MAPKAP1: variants seen among roughly 807,000 people sequenced by gnomAD.
The protein encoded by MAPKAP1 is target of rapamycin complex 2 subunit MAPKAP1.
Under a neutral mutation model 65.7 loss-of-function variants are expected in MAPKAP1, and 20 were observed. That is an observed-to-expected ratio of 0.30 (90% CI 0.21 to 0.44). MAPKAP1 has a LOEUF of 0.44. Among genes scored for constraint, MAPKAP1 ranks in the 20% least tolerant of loss-of-function variants. The pLI is 1.00. For synonymous variants in MAPKAP1, 222 were observed against 244.3 expected (o/e 0.91, Z 0.85); for missense variants, 423 against 648.0 (o/e 0.65, Z 3.77).
intron 1 of MAPKAP1, among the ~76,000 whole-genome samples, chr9:125,689,306 G>A (rs1026757975): frequency 6.6e-6 from 1 of 151,646 alleles, no homozygotes; most frequent in Non-Finnish European, 1.5e-5. Context: ...GCGTGGTGGC[G>A]GGCGCCTGTA....
intron 5 of MAPKAP1, among the ~76,000 whole-genome samples, chr9:125,560,500 C>A (rs953914411): frequency 6.6e-6 from 1 of 152,192 alleles, no homozygotes; most frequent in Non-Finnish European, 1.5e-5. Flanking sequence ...GAGAGGATCA[C>A]TTGAGCCCGT....
chr9:125,593,185 T>C (rs572395636), intron 4 of MAPKAP1, among the ~76,000 whole-genome samples: 1 of 151,978 alleles, frequency 6.6e-6, no homozygotes, highest in East Asian at 1.9e-4. Flanking sequence ...GTGCCTATAG[T>C]CCCAGCTACC....
chr9:125,490,313 G>A (rs529107217), intron 8 of MAPKAP1, among the ~76,000 whole-genome samples: 122 of 152,312 alleles, frequency 8.0e-4, no homozygotes, highest in African/African-American at 2.8e-3. Flanking sequence ...GCCGAGGTGG[G>A]TGGATCACCT....
intron 5 of MAPKAP1, among the ~76,000 whole-genome samples, 196 bp from the exon 6 acceptor site, chr9:125,560,005 G>T (rs944205260): frequency 6.6e-6 from 1 of 152,150 alleles, no homozygotes; most frequent in Non-Finnish European, 1.5e-5. Context: ...GAGAAAAACA[G>T]TGTGAAATGA....
intron 8 of MAPKAP1, among the ~76,000 whole-genome samples, chr9:125,487,615 T>TAAAAAAAAAAAAA (rs35665829): frequency 1.6e-5 from 2 of 126,832 alleles, no homozygotes; most frequent in African/African-American, 2.8e-5. Flanking sequence ...TGCCAATTAC[T>TAAAAAAAAAAAAA]AAAAAAAAAA....
intron 4 of MAPKAP1, among the ~76,000 whole-genome samples, chr9:125,589,047 C>T (rs1040613352): frequency 1.3e-5 from 2 of 152,154 alleles, no homozygotes; most frequent in Non-Finnish European, 2.9e-5. Context: ...ATGCGTGACT[C>T]CTCATCCTCT....
At chr9:125,509,493 T>C (rs905062334) in intron 7 of MAPKAP1, among the ~76,000 whole-genome samples, 2 of 152,256 alleles carry the variant, frequency 1.3e-5, no homozygotes, top group Non-Finnish European at 1.5e-5. Flanking sequence ...AATTTCTTAC[T>C]ATGACATCTT....
intron 4 of MAPKAP1, among the ~76,000 whole-genome samples, chr9:125,613,134 A>AG (rs1439396308): frequency 6.6e-6 from 1 of 152,190 alleles, no homozygotes; most frequent in Non-Finnish European, 1.5e-5. Context: ...TGGTAGAAAC[A>AG]GGACTGTAGA....
At chr9:125,600,383 CCAGCCTTGAGCTGTG>C (rs770358723) in intron 4 of MAPKAP1, among the ~76,000 whole-genome samples, 29 of 152,174 alleles carry the variant, frequency 1.9e-4, no homozygotes, top group Non-Finnish European at 4.1e-4. Flanking sequence ...TCTGGCCCTG[CCAGCCTTGAGCTGTG>C]CAGCCTTGGG....
At chr9:125,693,818 T>C (rs1014792973) in intron 1 of MAPKAP1, among the ~76,000 whole-genome samples, 16 of 134,598 alleles carry the variant, frequency 1.2e-4, no homozygotes, top group South Asian at 2.4e-4. Context: ...CACACACATA[T>C]ACACACACAC....
intron 4 of MAPKAP1, among the ~76,000 whole-genome samples, chr9:125,622,539 G>A (rs1467578385): frequency 6.6e-6 from 1 of 150,590 alleles, no homozygotes; most frequent in African/African-American, 2.4e-5. Context: ...TCTGCCCCCC[G>A]GATTCAAGCA....
chr9:125,628,843 G>T (rs1482753659), intron 4 of MAPKAP1, among the ~76,000 whole-genome samples: 1 of 150,076 alleles, frequency 6.7e-6, no homozygotes, highest in African/African-American at 2.4e-5. Flanking sequence ...TATCTAACCA[G>T]AATATATAAT....
In MAPKAP1 at chr9:125,595,652, C is replaced by T. The variant is rs2131599041; in HGVS notation, c.499-9925G>A. 2.0e-6 allele frequency: 3 copies of T among 1,481,790 alleles called. No homozygotes were observed. The highest frequency in any genetic ancestry group is 2.5e-5 in the East Asian group (1 of 39,882). 91.8% of individuals were successfully genotyped at this position (1,481,790 alleles called of 1,614,324 possible). A position where few individuals can be genotyped will look rare whatever the true frequency, so the allele number is the denominator to read the frequency against. On this transcript the variant is annotated intron_variant, in intron 4 of 11. Coordinates refer to ENST00000265960, the MANE Select transcript of MAPKAP1 (RefSeq NM_001006617.3). This position sits in a 1 kb window ranked among gnomAD's most constrained non-coding sequence, Gnocchi z 4.0. ...CACGCCAAGGAAGCATCGTTAAAGT[C>T]TCTCTTCTCCCTGCCGTCCTAAGTC...
At chr9:125,609,278 AC>A (rs1328468829) in intron 4 of MAPKAP1, among the ~76,000 whole-genome samples, 1 of 152,166 alleles carries the variant, frequency 6.6e-6, no homozygotes, top group African/African-American at 2.4e-5. Flanking sequence ...CCCCTAAAGT[AC>A]CCAAAGCAGC....
chr9:125,606,617 ACAATG>A (rs1832446622), intron 4 of MAPKAP1, among the ~76,000 whole-genome samples: 4 of 152,222 alleles, frequency 2.6e-5, no homozygotes, highest in Admixed American at 6.5e-5. Flanking sequence ...ACTGCACCAG[ACAATG>A]AAAACTGGGT....
chr9:125,649,813 A>AAAAAAAAG (rs1421144814), intron 4 of MAPKAP1, among the ~76,000 whole-genome samples: 90 of 151,936 alleles, frequency 5.9e-4, no homozygotes, highest in African/African-American at 2.1e-3. Context: ...AAAAAAAAAA[A>AAAAAAAAG]AAAAGAAAAG....
At chr9:125,512,293 G>A (rs1352839111) in intron 7 of MAPKAP1, among the ~76,000 whole-genome samples, 4 of 152,202 alleles carry the variant, frequency 2.6e-5, no homozygotes, top group Non-Finnish European at 5.9e-5. Flanking sequence ...AGAGACCCGT[G>A]GGAGAAACTT....
At chr9:125,587,102 A>G (rs1831811610) in intron 4 of MAPKAP1, among the ~76,000 whole-genome samples, 2 of 152,262 alleles carry the variant, frequency 1.3e-5, no homozygotes. Flanking sequence ...ACATAAATAT[A>G]TCAATTCAAA....
chr9:125,611,501 C>T (rs905225801), intron 4 of MAPKAP1, among the ~76,000 whole-genome samples: 1 of 152,064 alleles, frequency 6.6e-6, no homozygotes, highest in East Asian at 1.9e-4. Context: ...ATAACTGGTT[C>T]GGAGGCAATG....
Sources: gnomAD v4.1 joint callset for allele counts (sites outside exome capture counted in the v4.1 genomes callset) on GRCh38, gnomAD v4.1.1 for gene constraint, Gnocchi (gnomAD v3.1) non-coding constraint, MANE v1.5 for transcripts, NCBI Gene and HGNC (gene_info 2026-07-23, HGNC 2026-07-21) for gene names.